The following ATXN2 variants were observed in gnomAD, a reference collection of about 807,000 sequenced individuals.
ATXN2 encodes ataxin 2.
In ATXN2, 37 loss-of-function variants were observed where a neutral mutation model predicts 138.6. That is an observed-to-expected ratio of 0.27 (90% CI 0.21 to 0.35). The LOEUF (loss-of-function observed/expected upper bound fraction) is 0.35. ATXN2 is among the 10% of genes least tolerant of loss of function. The pLI, the probability that ATXN2 is intolerant of heterozygous loss-of-function variation, is 1.00. For missense variants in ATXN2, 1,216 were observed against 1,480.3 expected (o/e 0.82, Z 2.93); for synonymous variants, 549 against 543.7 (o/e 1.01, Z -0.13).
intron 22 of ATXN2, 105 bp from the exon 23 acceptor site, chr12:111,456,361 T>A: frequency 2.8e-5 from 32 of 1,151,718 alleles, no homozygotes; most frequent in Non-Finnish European, 3.6e-5. Context: ...ATGATGAGGG[T>A]CACTGGAAAG....
rs564867382 is a variant in ATXN2, at chr12:111,453,095, T to C, written c.3440-255A>G. On this transcript the variant is annotated intron_variant, in intron 24 of 24. Transcript: ENST00000673436. This position sits in a 1 kb window ranked among gnomAD's most constrained non-coding sequence, Gnocchi z 5.4. ...GTTCATGGGGTAGAAAAAAAGGCCT[T>C]AACAAACCCCCTCCCCAAATATTAG... 1 of 1,265,152 alleles carries C rather than the reference T, an allele frequency of 7.9e-7. No homozygotes were observed. Among genetic ancestry groups the C allele is most frequent in the Admixed American group, 4.0e-5 (1 of 25,228 alleles). 78.4% of individuals were successfully genotyped at this position (1,265,152 alleles called of 1,614,324 possible).
At chr12:111,469,430 C>T (rs1876252629) in intron 20 of ATXN2, 1 of 152,142 alleles carries the variant, frequency 6.6e-6, no homozygotes, top group Admixed American at 6.5e-5. Context: ...TAGACAGCTG[C>T]TAAGTTGATC....
rs767863427 is a variant in ATXN2 at position 111,525,152 on chromosome 12, C to G, written c.696+40G>C. 3.2e-6 allele frequency: 5 copies of G among 1,582,132 alleles called. No individual in the cohort carries two copies. In the Admixed American group the frequency reaches 7.6e-5, roughly 24 times the overall value. The stretch of plus-strand genomic sequence containing the variant: ...TACAACCAAGTGACAGGATGTCATA[C>G]TGACCAGAGTCTAGCAATAATTACA... On this transcript the variant is annotated intron_variant, in intron 6 of 24. Transcript: ENST00000673436.
Position 111,485,633 on chromosome 12 carries a change from T to G in ATXN2, c.2457+80A>C, listed in dbSNP as rs933608296. 101 of 1,526,198 alleles carry G rather than the reference T, an allele frequency of 6.6e-5. No homozygotes were observed. In the Middle Eastern group the frequency reaches 5.7e-3, roughly 86 times the overall value. 94.5% of individuals were successfully genotyped at this position (1,526,198 alleles called of 1,614,324 possible). On this transcript the variant is annotated intron_variant, in intron 17 of 24. Transcript: ENST00000673436. ...TATGCATAACCATCACACCCTCAAG[T>G]CACTGAAAACCTAAAGAGTGCTTGG...
At chr12:111,477,780 C>G (rs1403943176) in intron 18 of ATXN2, among the ~76,000 whole-genome samples, 2 of 151,474 alleles carry the variant, frequency 1.3e-5, no homozygotes, top group African/African-American at 4.9e-5. Context: ...TTTTGTGAGA[C>G]AGGGTCTGGC....
At chr12:111,537,690 TG>T (rs1881269764) in intron 5 of ATXN2, among the ~76,000 whole-genome samples, 1 of 152,060 alleles carries the variant, frequency 6.6e-6, no homozygotes. Context: ...TGCCTGGAGC[TG>T]GGGAAAATTG....
At chr12:111,591,343 A>AG (rs1282631330) in intron 1 of ATXN2, among the ~76,000 whole-genome samples, 1 of 151,592 alleles carries the variant, frequency 6.6e-6, no homozygotes, top group Non-Finnish European at 1.5e-5. Flanking sequence ...ATTTCAAGGG[A>AG]GGGGCCCCAG....
At position 111,453,366 on chromosome 12, in the gene ATXN2, T is replaced by C; in HGVS notation, c.3439+311A>G. On this transcript the variant is annotated intron_variant, in intron 24 of 24. Coordinates refer to ENST00000673436, the MANE Select transcript of ATXN2 (RefSeq NM_001372574.1). The surrounding 1 kb of genome is among the most constrained non-coding windows in gnomAD (Gnocchi z 5.4). ...TTTTGGGACTCAGGAAGGAAAACAC[T>C]GCCCTGTCCAGCCTGTCATAACAAG... 8.9e-7 allele frequency: 1 copy of C among 1,127,272 alleles called. No homozygotes were observed. The highest frequency in any genetic ancestry group is 1.1e-6 in the Non-Finnish European group (1 of 921,012). 69.8% of individuals were successfully genotyped at this position (1,127,272 alleles called of 1,614,324 possible).
At chr12:111,554,398 G>A (rs944574526) in intron 2 of ATXN2, among the ~76,000 whole-genome samples, 181 bp from the exon 3 acceptor site, 5 of 152,220 alleles carry the variant, frequency 3.3e-5, no homozygotes, top group Non-Finnish European at 2.9e-5. Context: ...GAGCATTTCC[G>A]ATTAGGGATG....
At chr12:111,505,762 A>G (rs1025462407) in intron 14 of ATXN2, among the ~76,000 whole-genome samples, 4 of 152,056 alleles carry the variant, frequency 2.6e-5, no homozygotes, top group African/African-American at 7.3e-5. Context: ...AATAGTGTAG[A>G]TATCTTGGCA....
chr12:111,453,233 G>A lies in ATXN2; in HGVS notation c.3440-393C>T. 3 of 1,074,754 alleles carry A rather than the reference G, an allele frequency of 2.8e-6. No homozygotes were observed. Among genetic ancestry groups the A allele is most frequent in the South Asian group, 3.8e-5 (1 of 26,438 alleles). The allele number at this position is 1,074,754 out of a possible 1,614,324, so 66.6% of individuals were successfully genotyped here. A position where few individuals can be genotyped will look rare whatever the true frequency, so the allele number is the denominator to read the frequency against. On this transcript the variant is annotated intron_variant, in intron 24 of 24. Transcript: ENST00000673436. This position sits in a 1 kb window ranked among gnomAD's most constrained non-coding sequence, Gnocchi z 5.4. ...GCGCTCTCCCCTGTTCAGGGGCTGG[G>A]GCTAACGCTACACTCAAAGCCAGTC...
At chr12:111,506,927 AG>A (rs1879161605) in intron 14 of ATXN2, among the ~76,000 whole-genome samples, 1 of 152,040 alleles carries the variant, frequency 6.6e-6, no homozygotes, top group African/African-American at 2.4e-5. Flanking sequence ...CGGCCTCCCG[AG>A]GTGCCGGGAT....
chr12:111,575,748 T>C (rs536692760), intron 1 of ATXN2, among the ~76,000 whole-genome samples: 1 of 152,150 alleles, frequency 6.6e-6, no homozygotes, highest in Non-Finnish European at 1.5e-5. Context: ...ATAAATGCCA[T>C]GCTTTCTACA....
intron 14 of ATXN2, among the ~76,000 whole-genome samples, chr12:111,490,206 A>T (rs1332474519): frequency 6.6e-6 from 1 of 151,304 alleles, no homozygotes; most frequent in Non-Finnish European, 1.5e-5. Flanking sequence ...GACTCCATCT[A>T]AAAATTAAAA....
chr12:111,538,143 A>G (rs2135765413), intron 5 of ATXN2, among the ~76,000 whole-genome samples: 1 of 152,220 alleles, frequency 6.6e-6, no homozygotes, highest in East Asian at 1.9e-4. Flanking sequence ...TCTCAAATGA[A>G]TGATTAAATT....
chr12:111,522,648 C>A (rs1184708949), intron 6 of ATXN2, among the ~76,000 whole-genome samples: 1 of 152,036 alleles, frequency 6.6e-6, no homozygotes, highest in Non-Finnish European at 1.5e-5. Flanking sequence ...CGCAGTGGCT[C>A]ATGCCTGTAA....
At chr12:111,536,286 A>G (rs934521396) in intron 5 of ATXN2, among the ~76,000 whole-genome samples, 2 of 152,082 alleles carry the variant, frequency 1.3e-5, no homozygotes, top group African/African-American at 2.4e-5. Flanking sequence ...CTTATTTTCT[A>G]TTTTCACTGT....
chr12:111,572,797 C>T (rs140242159), intron 1 of ATXN2, among the ~76,000 whole-genome samples: 4 of 152,268 alleles, frequency 2.6e-5, no homozygotes, highest in African/African-American at 4.8e-5. Flanking sequence ...GACTTTGCAG[C>T]CTACCAACAT....
At chr12:111,553,266 A>G (rs1882212097) in intron 3 of ATXN2, among the ~76,000 whole-genome samples, 1 of 152,076 alleles carries the variant, frequency 6.6e-6, no homozygotes, top group Non-Finnish European at 1.5e-5. Context: ...AACTACTAAC[A>G]TTATTTTACA....
Sources: allele counts gnomAD v4.1 joint callset (sites outside exome capture counted in the v4.1 genomes callset), GRCh38; gene constraint gnomAD v4.1.1; non-coding constraint Gnocchi (gnomAD v3.1); transcripts MANE v1.5; gene names NCBI Gene and HGNC (gene_info 2026-07-23, HGNC 2026-07-21).